Variants in TPO observed in about 807,000 individuals in gnomAD.
The protein encoded by TPO is thyroid microsomal antigen.
TPO carries 78 observed loss-of-function variants against 96.9 expected under a neutral mutation model. The observed-to-expected ratio is 0.81, with a 90% CI of 0.67 to 0.97. TPO has a LOEUF of 0.97. TPO is among the 50% of genes least tolerant of loss of function. TPO has a pLI of 0.00. For missense variants in TPO, 1,252 were observed against 1,274.8 expected, an observed-to-expected ratio of 0.98 and a Z score of 0.27; for synonymous variants, 547 against 538.0, an observed-to-expected ratio of 1.02 and a Z score of -0.23.
Position 1,535,444 on chromosome 2 carries a change from CCA to C in TPO, c.2619-5148_2619-5147del, listed in dbSNP as rs1320300676. ...TGTGTGCAACCTCCCCAAATCCCCCCCACTCTGTGCAACCTCCCCAAATCAGC... is the reference window on the plus strand; with the variant it reads ...TGTGTGCAACCTCCCCAAATCCCCCCCTCTGTGCAACCTCCCCAAATCAGC... On this transcript the variant is annotated intron_variant, in intron 15 of 16. Coordinates refer to ENST00000329066, the MANE Select transcript of TPO (RefSeq NM_001206744.2). 2.8e-4 allele frequency among the ~76,000 whole-genome samples: 30 copies of C among 106,896 alleles called. 2 individuals are homozygous for C. The highest frequency in any genetic ancestry group is 3.4e-4 in the Non-Finnish European group (17 of 49,828). The allele number at this position is 106,896 out of a possible 152,430, so 70.1% of individuals were successfully genotyped here. A position where few individuals can be genotyped will look rare whatever the true frequency, so the allele number is the denominator to read the frequency against.
intron 8 of TPO, among the ~76,000 whole-genome samples, chr2:1,483,167 G>A (rs1670803780): frequency 6.6e-6 from 1 of 152,196 alleles, no homozygotes; most frequent in Non-Finnish European, 1.5e-5. Flanking sequence ...AGACACTGAG[G>A]AAGTACAGTG....
intron 7 of TPO, among the ~76,000 whole-genome samples, chr2:1,460,028 C>T (rs570113521): frequency 6.6e-6 from 1 of 152,030 alleles, no homozygotes; most frequent in Admixed American, 6.5e-5. Context: ...CTCCGCCTCC[C>T]GGATATAAGC....
At chr2:1,519,635 C>T (rs1675052301) in intron 15 of TPO, among the ~76,000 whole-genome samples, 1 of 152,146 alleles carries the variant, frequency 6.6e-6, no homozygotes, top group Admixed American at 6.5e-5. Flanking sequence ...AAACCCTCAG[C>T]TAACCATGAA....
At chr2:1,527,577 C>A (rs1308110286) in intron 15 of TPO, among the ~76,000 whole-genome samples, 1 of 149,076 alleles carries the variant, frequency 6.7e-6, no homozygotes. Flanking sequence ...CAACTGTGTG[C>A]AACCTCCTCA....
At chr2:1,505,481 C>T (rs1673331796) in intron 14 of TPO, among the ~76,000 whole-genome samples, 1 of 93,086 alleles carries the variant, frequency 1.1e-5, no homozygotes, top group Admixed American at 1.1e-4. Context: ...GGCGCATCCC[C>T]CCCACCCCGT....
chr2:1,536,805 CCTCCCCAAATCCCCCCCACTGTGTGCAA>C (rs1679762068), intron 15 of TPO, among the ~76,000 whole-genome samples: 1 of 129,188 alleles, frequency 7.7e-6, no homozygotes, highest in African/African-American at 2.9e-5. Flanking sequence ...ATCTGTGCAA[CCTCCCCAAATCCCCCCCACTGTGTGCAA>C]CCTCCCCAAA....
At chr2:1,385,709 C>T (rs1661883237) in intron 1 of TPO, among the ~76,000 whole-genome samples, 1 of 150,772 alleles carries the variant, frequency 6.6e-6, no homozygotes, top group Non-Finnish European at 1.5e-5. Flanking sequence ...GTGTCTCTAT[C>T]TACTTCAGTT....
chr2:1,534,038 C>A (rs1265728652), intron 15 of TPO, among the ~76,000 whole-genome samples: 1 of 97,758 alleles, frequency 1.0e-5, no homozygotes, highest in Non-Finnish European at 2.2e-5. Context: ...GTGCAACCTC[C>A]CCAAATCCCA....
intron 7 of TPO, among the ~76,000 whole-genome samples, chr2:1,469,895 C>T (rs1273236259): frequency 2.0e-5 from 3 of 152,102 alleles, no homozygotes; most frequent in South Asian, 4.2e-4. Context: ...GTATTCCTGC[C>T]GTCGTTCTGG....
chr2:1,434,973 G>A (rs181186623), intron 4 of TPO, among the ~76,000 whole-genome samples: 293 of 151,718 alleles, frequency 1.9e-3, no homozygotes, highest in African/African-American at 6.5e-3. Context: ...TCCCTCTGTC[G>A]CCCAGGCTGG....
intron 8 of TPO, among the ~76,000 whole-genome samples, chr2:1,482,026 C>G (rs1382868764): frequency 1.3e-5 from 2 of 152,182 alleles, no homozygotes; most frequent in Admixed American, 1.3e-4. Context: ...CCTGGAGCAC[C>G]CTCAGCAAGC....
intron 1 of TPO, among the ~76,000 whole-genome samples, chr2:1,385,128 T>C (rs1333558692): frequency 6.6e-6 from 1 of 152,226 alleles, no homozygotes. Context: ...TTATTGAGGA[T>C]TTTTGCATCA....
chr2:1,501,197 C>T (rs1672838441), intron 13 of TPO, among the ~76,000 whole-genome samples: 1 of 150,928 alleles, frequency 6.6e-6, no homozygotes, highest in African/African-American at 2.4e-5. Flanking sequence ...AACATCTGTG[C>T]ACTCACTGCA....
intron 7 of TPO, among the ~76,000 whole-genome samples, chr2:1,472,848 AAAAG>A (rs1353991742): frequency 2.3e-4 from 34 of 150,974 alleles, no homozygotes; most frequent in African/African-American, 4.1e-4. Flanking sequence ...AAAAAAAAAA[AAAAG>A]GAGAGAGAGA....
At chr2:1,500,555 G>A (rs986711057) in intron 13 of TPO, among the ~76,000 whole-genome samples, 6 of 152,178 alleles carry the variant, frequency 3.9e-5, no homozygotes, top group Non-Finnish European at 8.8e-5. Context: ...CACATCTGCG[G>A]CTACAGAAAG....
chr2:1,509,805 CTTAT>C (rs1285967155), intron 14 of TPO, among the ~76,000 whole-genome samples: 2 of 136,026 alleles, frequency 1.5e-5, no homozygotes, highest in African/African-American at 5.7e-5. Flanking sequence ...CACCGCACCT[CTTAT>C]TTCAGGAACA....
At chr2:1,446,980 T>G (rs1284594045) in intron 5 of TPO, among the ~76,000 whole-genome samples, 2 of 152,116 alleles carry the variant, frequency 1.3e-5, no homozygotes, top group Non-Finnish European at 2.9e-5. Flanking sequence ...GTGGCAACCA[T>G]GAGGGGTGTG....
chr2:1,467,134 G>A (rs987643457), intron 7 of TPO, among the ~76,000 whole-genome samples: 9 of 150,822 alleles, frequency 6.0e-5, no homozygotes, highest in African/African-American at 1.7e-4. Context: ...ATGGAGTTTC[G>A]CTCTTGTTGC....
intron 1 of TPO, among the ~76,000 whole-genome samples, chr2:1,402,399 C>T (rs146501269): frequency 1.5e-3 from 234 of 152,222 alleles, no homozygotes; most frequent in Middle Eastern, 0.014. Context: ...TAGGAAGAGA[C>T]GGGAGCACAG....
Sources: allele counts gnomAD v4.1 joint callset (sites outside exome capture counted in the v4.1 genomes callset), GRCh38; gene constraint gnomAD v4.1.1; transcripts MANE v1.5; gene names NCBI Gene and HGNC (gene_info 2026-07-23, HGNC 2026-07-21).